NUP98: variants seen among roughly 807,000 people sequenced by gnomAD.
The protein encoded by NUP98 is nuclear pore complex protein Nup98-Nup96.
A neutral mutation model predicts 191.9 loss-of-function variants in NUP98; 26 were observed. That is an observed-to-expected ratio of 0.14 (90% CI 0.10 to 0.19). The LOEUF is 0.19. Among genes scored for constraint, NUP98 ranks in the 10% least tolerant of loss-of-function variants. The pLI is 1.00. For synonymous variants in NUP98, 808 were observed against 778.4 expected (o/e 1.04, Z -0.63); for missense variants, 1,941 against 2,178.8 (o/e 0.89, Z 2.17).
chr11:3,738,922 A>C (rs2080177246), intron 12 of NUP98, among the ~76,000 whole-genome samples: 1 of 152,156 alleles, frequency 6.6e-6, no homozygotes, highest in African/African-American at 2.4e-5. Flanking sequence ...CCAGAACAGA[A>C]GAACAGACTG....
At chr11:3,685,010 A>T (rs2078097514) in intron 29 of NUP98, among the ~76,000 whole-genome samples, 1 of 151,276 alleles carries the variant, frequency 6.6e-6, no homozygotes, top group African/African-American at 2.4e-5. Context: ...GTGACCTTGG[A>T]CAAAAGTTAA....
intron 9 of NUP98, among the ~76,000 whole-genome samples, chr11:3,761,184 G>A (rs539976086): frequency 2.0e-5 from 3 of 152,278 alleles, no homozygotes; most frequent in Admixed American, 6.5e-5. Flanking sequence ...AATGACTATG[G>A]CATTTCTTTT....
chr11:3,688,133 G>A (rs561479874), intron 28 of NUP98, among the ~76,000 whole-genome samples: 96 of 151,990 alleles, frequency 6.3e-4, no homozygotes, highest in African/African-American at 1.4e-3. Context: ...GGCCGGGCAC[G>A]GTGGCTCACG....
intron 5 of NUP98, 21 bp from the exon 6 acceptor site, chr11:3,773,760 A>C: frequency 6.8e-7 from 1 of 1,478,402 alleles, no homozygotes; most frequent in Admixed American, 1.7e-5. Flanking sequence ...AAATAAAGGC[A>C]AATTTGTAGG....
intron 10 of NUP98, 66 bp downstream of exon 10, chr11:3,760,473 G>A: frequency 6.2e-7 from 1 of 1,613,032 alleles, no homozygotes; most frequent in Admixed American, 1.7e-5. Flanking sequence ...AGCCAAACCT[G>A]CTTTTTATAT....
At chr11:3,740,317 C>T (rs571484199) in intron 12 of NUP98, among the ~76,000 whole-genome samples, 2 of 152,158 alleles carry the variant, frequency 1.3e-5, no homozygotes, top group South Asian at 4.2e-4. Context: ...TCGTGACCAG[C>T]CTAGCCAATA....
chr11:3,721,479 C>G (rs1196030090), intron 16 of NUP98, among the ~76,000 whole-genome samples: 1 of 152,182 alleles, frequency 6.6e-6, no homozygotes, highest in Non-Finnish European at 1.5e-5. Flanking sequence ...GAGTAAATCA[C>G]TTGAGGCCAG....
intron 19 of NUP98, 47 bp from the exon 20 acceptor site, chr11:3,712,775 C>T (rs763462259): frequency 2.5e-6 from 4 of 1,573,812 alleles, no homozygotes; most frequent in Non-Finnish European, 2.6e-6. Context: ...ATTATGCTTT[C>T]CCAATACCTG....
chr11:3,782,570 A>ATTTTTTTTTTTTTTTTTTTTTTT (rs35916882), intron 1 of NUP98, among the ~76,000 whole-genome samples: 2 of 117,466 alleles, frequency 1.7e-5, no homozygotes, highest in Non-Finnish European at 1.7e-5. Context: ...AAAAGCTAAC[A>ATTTTTTTTTTTTTTTTTTTTTTT]TTTTTTTTTT....
At chr11:3,723,116 T>C (rs376098175) in intron 16 of NUP98, 41 bp downstream of exon 16, 2 of 1,578,136 alleles carry the variant, frequency 1.3e-6, no homozygotes, top group Non-Finnish European at 1.7e-6. Flanking sequence ...TCATCTCGAA[T>C]GACTGGTAAG....
intron 18 of NUP98, 80 bp from the exon 19 acceptor site, chr11:3,714,075 A>C (rs1406802999): frequency 5.3e-6 from 7 of 1,316,332 alleles, no homozygotes; most frequent in Middle Eastern, 1.8e-4. Context: ...CCTAACACAT[A>C]AATAGTGAAT....
At chr11:3,776,837 C>T (rs76947832) in intron 4 of NUP98, among the ~76,000 whole-genome samples, 1 of 152,056 alleles carries the variant, frequency 6.6e-6, no homozygotes, top group African/African-American at 2.4e-5. Flanking sequence ...AGGCTCACAA[C>T]TTTCAAGTGA....
In NUP98 at chr11:3,778,884, G is replaced by A; in HGVS notation, c.344C>T (p.Thr115Ile). The change falls in exon 4 of 33, where the codon ACT (threonine) becomes ATT (isoleucine). Residue 115 changes from threonine to isoleucine, a missense_variant. By Grantham distance (89) the Thr-to-Ile change is moderately conservative (BLOSUM62 -1). Transcript: ENST00000324932. ...GATGTCCCACTTACTGCCAAAGCCA[G>A]TTGGTTTATTTTGTGCAAAGGCATT... ...QNNAFAQNKP[T>I]GFGNFGTSTS... The A allele has an allele frequency of 6.2e-7, 1 of 1,613,922 alleles. No individual in the cohort carries two copies. The highest frequency in any genetic ancestry group is 8.5e-7 in the Non-Finnish European group (1 of 1,179,960).
intron 11 of NUP98, among the ~76,000 whole-genome samples, chr11:3,748,218 T>C (rs979616646): frequency 2.4e-4 from 36 of 152,286 alleles, no homozygotes; most frequent in African/African-American, 6.5e-4. Flanking sequence ...GGGGAAGACA[T>C]TGCTAATCAT....
At chr11:3,785,942 T>C (rs955826481) in intron 1 of NUP98, among the ~76,000 whole-genome samples, 1 of 151,896 alleles carries the variant, frequency 6.6e-6, no homozygotes, top group South Asian at 2.1e-4. Context: ...CTTTCAAATA[T>C]GTTAAACTGG....
At chr11:3,796,511 A>G (rs1176648592) in intron 1 of NUP98, among the ~76,000 whole-genome samples, 2 of 152,248 alleles carry the variant, frequency 1.3e-5, no homozygotes, top group African/African-American at 2.4e-5. Flanking sequence ...AGGTTAGGGT[A>G]CCACTAACGA....
At chr11:3,715,505 G>C (rs2079152133) in intron 18 of NUP98, among the ~76,000 whole-genome samples, 1 of 151,898 alleles carries the variant, frequency 6.6e-6, no homozygotes, top group African/African-American at 2.4e-5. Flanking sequence ...TTTCTCTAAT[G>C]ATTAGTGATG....
intron 24 of NUP98, among the ~76,000 whole-genome samples, chr11:3,699,682 T>G (rs1395343893): frequency 6.6e-6 from 1 of 152,190 alleles, no homozygotes; most frequent in Admixed American, 6.5e-5. Flanking sequence ...AAAATCAATC[T>G]ACAAAAGTAC....
Position 3,676,139 on chromosome 11 carries a change from T to C in NUP98, c.*20A>G. ...TGTGGTGTGAATGGGCATGTGACTG[T>C]GATGCAAAGTGCCTGGGGCTCACAG... On this transcript the variant is annotated 3_prime_UTR_variant, in exon 33 of 33. Coordinates refer to ENST00000324932, the MANE Select transcript of NUP98 (RefSeq NM_016320.5). 6.2e-7 allele frequency: 1 copy of C among 1,609,644 alleles called. No individual in the cohort carries two copies. Among genetic ancestry groups the C allele is most frequent in the Non-Finnish European group, 8.5e-7 (1 of 1,177,244 alleles).
Sources: allele counts gnomAD v4.1 joint callset (sites outside exome capture counted in the v4.1 genomes callset), GRCh38; gene constraint gnomAD v4.1.1; transcripts MANE v1.5; gene names NCBI Gene and HGNC (gene_info 2026-07-23, HGNC 2026-07-21).